WT1: variants seen among roughly 807,000 people sequenced by gnomAD.
WT1 encodes the protein WT1 transcription factor.
WT1 carries 8 observed loss-of-function variants against 60.8 expected under a neutral mutation model. That is an observed-to-expected ratio of 0.13 (90% CI 0.08 to 0.24). The LOEUF (loss-of-function observed/expected upper bound fraction) is 0.24, where lower values mean the gene tolerates loss of function less well. Ranked by LOEUF, WT1 falls within the 10% of genes least tolerant of loss-of-function variation. WT1 has a pLI of 1.00. For synonymous variants in WT1, 312 were observed against 297.1 expected (o/e 1.05, Z -0.52); for missense variants, 568 against 711.8 (o/e 0.80, Z 2.30).
At chr11:32,391,778 T>A (rs908108314) in intron 9 of WT1, among the ~76,000 whole-genome samples, 194 bp downstream of exon 9, 1 of 152,238 alleles carries the variant, frequency 6.6e-6, no homozygotes, top group Non-Finnish European at 1.5e-5. Context: ...TCCTTCTCTG[T>A]ATTTCCACCC....
At chr11:32,411,163 G>T (rs1386569977) in intron 5 of WT1, among the ~76,000 whole-genome samples, 6 of 151,022 alleles carry the variant, frequency 4.0e-5, no homozygotes, top group African/African-American at 1.5e-4. Context: ...TTTCCAACTT[G>T]GCCCCTTCTC....
chr11:32,410,136 G>T (rs955799142), intron 5 of WT1, among the ~76,000 whole-genome samples: 1 of 151,984 alleles, frequency 6.6e-6, no homozygotes, highest in African/African-American at 2.4e-5. Context: ...TCGCCACGTT[G>T]GCCAGGCTGG....
rs2133074842 is a variant in WT1, at chr11:32,428,489, TC to T, written c.784+7del. On this transcript the variant is annotated splice_region_variant and intron_variant, in intron 2 of 9. Coordinates refer to ENST00000452863, the MANE Select transcript of WT1 (RefSeq NM_024426.6). ...GGAGAAGGACTCCACTTGGTTCCGC[TC>T]GCTTACCCAGCGAGCCCTGCTGGCC... 1 of 1,614,062 alleles carries T rather than the reference TC, an allele frequency of 6.2e-7. No individual in the cohort carries two copies. Among genetic ancestry groups the T allele is most frequent in the Non-Finnish European group, 8.5e-7 (1 of 1,180,028 alleles).
Position 32,428,039 on chromosome 11 carries a change from C to T in WT1, c.804G>A (p.Val268=), listed in dbSNP as rs1060504179. The change falls in exon 3 of 10, where the codon GTG becomes GTA. Residue 268 remains valine, a synonymous_variant. Coordinates refer to ENST00000452863, the MANE Select transcript of WT1 (RefSeq NM_024426.6). ...TGTGGCAGCCATAGACCGGGGGCGG[C>T]ACCGAGTACTGCTGCTCACCTGCAG... The T allele has an allele frequency of 1.9e-6, 3 of 1,608,456 alleles. No individual in the cohort carries two copies. Among genetic ancestry groups the T allele is most frequent in the Non-Finnish European group, 2.5e-6 (3 of 1,176,938 alleles).
At chr11:32,431,288 G>T (rs75396536) in intron 1 of WT1, among the ~76,000 whole-genome samples, 5,167 of 152,222 alleles carry the variant, frequency 0.034, 293 homozygotes, top group African/African-American at 0.12. Context: ...CCTCTCCTGT[G>T]TGACCGGAAG....
rs188813789 is a variant in WT1 at position 32,405,966 on chromosome 11, G to A, written c.1017-5922C>T. On this transcript the variant is annotated intron_variant, in intron 5 of 9. Coordinates refer to ENST00000452863, the MANE Select transcript of WT1 (RefSeq NM_024426.6). Reference sequence around the variant, plus strand: ...ACTTTTATCATCATGAGACTTGAACGACTCCCAGCTCTTTTCTCCAGCGGG... The same window carrying A: ...ACTTTTATCATCATGAGACTTGAACAACTCCCAGCTCTTTTCTCCAGCGGG... 1.1e-3 allele frequency among the ~76,000 whole-genome samples: 173 copies of A among 152,286 alleles called. 1 individual carries two copies. Among genetic ancestry groups the A allele is most frequent in the East Asian group, 2.3e-3 (12 of 5,184 alleles).
At chr11:32,395,864 C>G (rs750486788) in intron 7 of WT1, among the ~76,000 whole-genome samples, 4 of 152,026 alleles carry the variant, frequency 2.6e-5, no homozygotes, top group Non-Finnish European at 5.9e-5. Context: ...TTTCTTTGGA[C>G]CATCTCTTCT....
chr11:32,431,853 GA>G (rs1853324078), intron 1 of WT1, among the ~76,000 whole-genome samples: 1 of 152,100 alleles, frequency 6.6e-6, no homozygotes, highest in Non-Finnish European at 1.5e-5. Context: ...CAGGCCAGAA[GA>G]AATCCATCTC....
chr11:32,426,212 A>G (rs1590390471), intron 3 of WT1, among the ~76,000 whole-genome samples: 1 of 152,284 alleles, frequency 6.6e-6, no homozygotes, highest in South Asian at 2.1e-4. Flanking sequence ...CCACTCCCGC[A>G]TCAAGGTCTT....
At chr11:32,403,099 G>C (rs940896365) in intron 5 of WT1, among the ~76,000 whole-genome samples, 3 of 151,832 alleles carry the variant, frequency 2.0e-5, no homozygotes, top group Non-Finnish European at 1.5e-5. Context: ...GAAGCAACAA[G>C]CAACAAGACT....
intron 2 of WT1, 77 bp downstream of exon 2, chr11:32,428,419 TG>T: frequency 6.2e-7 from 1 of 1,606,208 alleles, no homozygotes; most frequent in East Asian, 2.2e-5. Context: ...TAATTTGCTG[TG>T]GGTTAGGAAT....
At chr11:32,389,290 C>A in intron 9 of WT1, 111 bp from the exon 10 acceptor site, 1 of 1,575,666 alleles carries the variant, frequency 6.3e-7, no homozygotes, top group Non-Finnish European at 8.7e-7. Flanking sequence ...AATTTCCCAT[C>A]ATTCTGTCCC....
chr11:32,424,432 C>T (rs953377990), intron 3 of WT1, among the ~76,000 whole-genome samples: 26 of 152,118 alleles, frequency 1.7e-4, no homozygotes, highest in African/African-American at 5.8e-4. Context: ...AACCATTTAA[C>T]GTCATGCACA....
intron 5 of WT1, 127 bp from the exon 6 acceptor site, chr11:32,400,171 T>A: frequency 8.5e-7 from 1 of 1,181,610 alleles, no homozygotes; most frequent in Non-Finnish European, 1.2e-6. Flanking sequence ...GGTTTTTGCC[T>A]CCCTCCATGG....
chr11:32,406,284 ATTAG>A (rs1852306588), intron 5 of WT1, among the ~76,000 whole-genome samples: 1 of 152,120 alleles, frequency 6.6e-6, no homozygotes, highest in Non-Finnish European at 1.5e-5. Context: ...ATCGTCAGGC[ATTAG>A]TTAGATTCTT....
At chr11:32,429,405 C>T (rs1853186236) in intron 1 of WT1, among the ~76,000 whole-genome samples, 1 of 152,016 alleles carries the variant, frequency 6.6e-6, no homozygotes, top group South Asian at 2.1e-4. Context: ...CTCCCTTTCC[C>T]TCCATGGTAG....
intron 8 of WT1, 61 bp from the exon 9 acceptor site, chr11:32,392,125 A>T: frequency 6.8e-7 from 1 of 1,477,934 alleles, no homozygotes; most frequent in Non-Finnish European, 9.5e-7. Context: ...GAGGCCCACA[A>T]GGCTGACTTC....
chr11:32,409,956 T>G (rs779689361), intron 5 of WT1, among the ~76,000 whole-genome samples: 1 of 151,872 alleles, frequency 6.6e-6, no homozygotes, highest in Non-Finnish European at 1.5e-5. Context: ...AGACAGAGTC[T>G]TGTTCTGTTG....
At chr11:32,396,703 AC>A (rs1851986378) in intron 6 of WT1, among the ~76,000 whole-genome samples, 1 of 152,230 alleles carries the variant, frequency 6.6e-6, no homozygotes, top group Non-Finnish European at 1.5e-5. Flanking sequence ...AAATGCTGGT[AC>A]CTGGAAGAGC....
Sources: allele counts gnomAD v4.1 joint callset (sites outside exome capture counted in the v4.1 genomes callset), GRCh38; gene constraint gnomAD v4.1.1; transcripts MANE v1.5; gene names NCBI Gene and HGNC (gene_info 2026-07-23, HGNC 2026-07-21).